The following KDM6B variants were observed in gnomAD, a reference collection of about 807,000 sequenced individuals.
KDM6B encodes the protein lysine demethylase 6B, also known as lysine-specific demethylase 6B.
In KDM6B, 22 loss-of-function variants were observed where a neutral mutation model predicts 150.4. The observed-to-expected ratio is 0.15, with a 90% CI of 0.10 to 0.21. The LOEUF is 0.21. Among genes scored for constraint, KDM6B ranks in the 10% least tolerant of loss-of-function variants. The pLI is 1.00. For missense variants in KDM6B, 1,984 were observed against 2,234.3 expected, an observed-to-expected ratio of 0.89 and a Z score of 2.26; for synonymous variants, 1,148 against 921.1, an observed-to-expected ratio of 1.25 and a Z score of -4.46.
At position 7,849,966 on chromosome 17, in the gene KDM6B, C is replaced by T. The variant is rs776940813; in HGVS notation, c.3567+19C>T. On this transcript the variant is annotated intron_variant, in intron 13 of 23. Coordinates refer to ENST00000448097, the MANE Select transcript of KDM6B (RefSeq NM_001348716.2). Reference sequence around the variant, plus strand: ...CATCTATGTATGTGTGCCACTTGGCCTCAGAACCACCCCTGCCAGAGGGTT... The same window carrying T: ...CATCTATGTATGTGTGCCACTTGGCTTCAGAACCACCCCTGCCAGAGGGTT... The T allele has an allele frequency of 6.2e-6, 10 of 1,613,478 alleles. No individual in the cohort carries two copies. Among genetic ancestry groups the T allele is most frequent in the Non-Finnish European group, 7.6e-6 (9 of 1,180,038 alleles).
chr17:7,851,813 TGC>T lies in KDM6B; in HGVS notation c.4165+22_4165+23del, dbSNP rs1333129175. 1 of 1,556,328 alleles carries T rather than the reference TGC, an allele frequency of 6.4e-7. No individual in the cohort carries two copies. The highest frequency in any genetic ancestry group is 8.7e-7 in the Non-Finnish European group (1 of 1,150,230). ...GAACGCCAGGTGCGCTCCACGCCTGTGCGCGCTGATGCTGGAAGCGCGAGAGG... is the reference window on the plus strand; with the variant it reads ...GAACGCCAGGTGCGCTCCACGCCTGTGCGCTGATGCTGGAAGCGCGAGAGG... On this transcript the variant is annotated intron_variant, in intron 18 of 23. Coordinates refer to ENST00000448097, the MANE Select transcript of KDM6B (RefSeq NM_001348716.2).
In KDM6B at chr17:7,846,131, T is replaced by C; in HGVS notation, c.290T>C (p.Val97Ala). 1 of 1,611,972 alleles carries C rather than the reference T, an allele frequency of 6.2e-7. No individual in the cohort carries two copies. The highest frequency in any genetic ancestry group is 8.5e-7 in the Non-Finnish European group (1 of 1,179,498). ...HGKLESLHGCVQALLREPAQP... is the reference protein window; with the variant it reads ...HGKLESLHGCAQALLREPAQP... ...AAGCTGGAATCCCTGCATGGCTGTG[T>C]GCAGGCATTGCTCCGGGAGCCAGCC... Residue 97 changes from valine to alanine, a missense_variant, in exon 7 of 24, where the codon GTG becomes GCG. Around this residue, in one of 13 missense-constraint regions of KDM6B, gnomAD observed 337 missense variants for 323.9 expected, o/e 1.04. Transcript: ENST00000448097.
Position 7,848,225 on chromosome 17 carries a change from C to T in KDM6B, c.1937C>T (p.Pro646Leu). The change falls in exon 12 of 24, where the codon CCA becomes CTA. Residue 646 changes from proline (P) to leucine (L), a missense_variant. This residue lies in a region of KDM6B where 1,379 missense variants were observed against 1,275.6 expected (regional missense o/e 1.08). Transcript: ENST00000448097. ...KTPEVGPGPP[P>L]GPLSKAPQPV... ...CCCGAGGTGGGGCCGGGGCCACCCC[C>T]AGGCCCCCTGAGTAAAGCCCCCCAG... The T allele has an allele frequency of 6.2e-7, 1 of 1,610,002 alleles. No individual in the cohort carries two copies. The highest frequency in any genetic ancestry group is 8.5e-7 in the Non-Finnish European group (1 of 1,177,588).
Position 7,848,867 on chromosome 17 carries a change from C to T in KDM6B, c.2579C>T (p.Ser860Phe). The change falls in exon 12 of 24, where the codon TCC (serine) becomes TTC (phenylalanine). Residue 860 changes from serine to phenylalanine, a missense_variant. By Grantham distance (155) the Ser-to-Phe change is radical. Transcript: ENST00000448097. ...TCAGCGGCCCCTAGCGCCCAGGGCT[C>T]CCCACAGCCCTCTGCTTCCTCGTCA... Reference protein sequence around the residue: ...PTSAAPSAQGSPQPSASSSSQ... With the variant: ...PTSAAPSAQGFPQPSASSSSQ... 6.2e-7 allele frequency: 1 copy of T among 1,609,990 alleles called. No homozygotes were observed. Among genetic ancestry groups the T allele is most frequent in the Non-Finnish European group, 8.5e-7 (1 of 1,178,068 alleles).
chr17:7,852,546 A>G lies in KDM6B; in HGVS notation c.4520A>G (p.Asn1507Ser). The G allele has an allele frequency of 6.2e-7, 1 of 1,614,156 alleles. No homozygotes were observed. The highest frequency in any genetic ancestry group is 2.2e-5 in the East Asian group (1 of 44,876). Reference protein sequence around the residue: ...LERYEWNEVKNVKSIVPMIHV... With the variant: ...LERYEWNEVKSVKSIVPMIHV... ...CGATACGAGTGGAATGAGGTGAAGAACGTCAAATCCATCGTGCCCATGATT... is the reference window on the plus strand; with the variant it reads ...CGATACGAGTGGAATGAGGTGAAGAGCGTCAAATCCATCGTGCCCATGATT... Residue 1507 changes from asparagine (N) to serine (S), a missense_variant, in exon 21 of 24, where the codon AAC becomes AGC. Coordinates refer to ENST00000448097, the MANE Select transcript of KDM6B (RefSeq NM_001348716.2).
Position 7,849,337 on chromosome 17 carries a change from G to C in KDM6B, c.3049G>C (p.Val1017Leu). 2 of 1,582,932 alleles carry C rather than the reference G, an allele frequency of 1.3e-6. No individual in the cohort carries two copies. The highest frequency in any genetic ancestry group is 1.7e-6 in the Non-Finnish European group (2 of 1,165,134). Residue 1017 changes from valine (V) to leucine (L), a missense_variant, in exon 12 of 24, where the codon GTG becomes CTG. Val to Leu is a conservative substitution (Grantham distance 32). Transcript: ENST00000448097. Reference sequence around the variant, plus strand: ...GGTCCCCAAAGAAAAGAGCCGCCGGGTGCTGGGGAACCTGGACCTGCAGAG... The same window carrying C: ...GGTCCCCAAAGAAAAGAGCCGCCGGCTGCTGGGGAACCTGGACCTGCAGAG... ...AKVPKEKSRR[V>L]LGNLDLQSEE...
At chr17:7,842,878 G>C (rs922564788) in intron 2 of KDM6B, among the ~76,000 whole-genome samples, 1 of 152,082 alleles carries the variant, frequency 6.6e-6, no homozygotes, top group Admixed American at 6.5e-5. Context: ...GGGCGGGGGG[G>C]CGAGTGAGGA....
intron 5 of KDM6B, 21 bp from the exon 6 acceptor site, chr17:7,845,851 A>G (rs775557113): frequency 6.2e-7 from 1 of 1,609,326 alleles, no homozygotes; most frequent in South Asian, 1.1e-5. Context: ...GCCGTATATA[A>G]CAGACTCCTT....
In KDM6B at chr17:7,848,467, G is replaced by A. The variant is rs367910363; in HGVS notation, c.2179G>A (p.Glu727Lys). 1.9e-6 allele frequency: 3 copies of A among 1,611,680 alleles called. No homozygotes were observed. The change falls in exon 12 of 24, where the codon GAG becomes AAG. Residue 727 changes from glutamate to lysine, a missense_variant. By Grantham distance (56) the Glu-to-Lys change is moderately conservative (BLOSUM62 1). Transcript: ENST00000448097. ...AGVAPQPPLK[E>K]PFASLQSPFP... ...CGTGGCCCCCCAACCCCCGCTGAAG[G>A]AGCCCTTTGCATCTCTGCAGTCTCC...
Position 7,853,307 on chromosome 17 carries a change from G to A in KDM6B, c.4835G>A (p.Gly1612Asp). The stretch of plus-strand genomic sequence containing the variant: ...GGCTGTGCCCGGCGCCGCAGCGCAG[G>A]CCTGCAGGGCGTGGTGGTGCTGGAG... ...CEGCARRRSA[G>D]LQGVVVLEQY... The change falls in exon 23 of 24, where the codon GGC becomes GAC. Residue 1612 changes from glycine (G) to aspartate (D), a missense_variant. By Grantham distance (94) the Gly-to-Asp change is moderately conservative (BLOSUM62 -1). Coordinates refer to ENST00000448097, the MANE Select transcript of KDM6B (RefSeq NM_001348716.2). 6.3e-7 allele frequency: 1 copy of A among 1,597,754 alleles called. No homozygotes were observed. The highest frequency in any genetic ancestry group is 1.7e-5 in the Admixed American group (1 of 57,372).
In KDM6B at chr17:7,847,993, G is replaced by C. The variant is rs925720057; in HGVS notation, c.1705G>C (p.Val569Leu). ...CCACAGCAGCAGCCCTGCTGGGCCT[G>C]TGTCCTTTCCCCCACCACCCTATCT... is the stretch of plus-strand genomic sequence containing the variant. ...GSHSSSPAGP[V>L]SFPPPPYLAR... Residue 569 changes from valine to leucine, a missense_variant, in exon 12 of 24, where the codon GTG becomes CTG. Coordinates refer to ENST00000448097, the MANE Select transcript of KDM6B (RefSeq NM_001348716.2). 1 of 1,611,972 alleles carries C rather than the reference G, an allele frequency of 6.2e-7. No homozygotes were observed.
In KDM6B at chr17:7,843,470, A is replaced by G. The variant is rs2078459511; in HGVS notation, c.-268-1431A>G. On this transcript the variant is annotated intron_variant, in intron 2 of 23. Transcript: ENST00000448097. This position sits in a 1 kb window ranked among gnomAD's most constrained non-coding sequence, Gnocchi z 4.5. The stretch of plus-strand genomic sequence containing the variant: ...CGGAGAGTGGCACGCAGGGACCTGT[A>G]GGGTCCAAGCGCTTCCATGCAAACA... Among the ~76,000 whole-genome samples, 1 of 152,228 alleles carries G rather than the reference A, an allele frequency of 6.6e-6. No homozygotes were observed. The highest frequency in any genetic ancestry group is 2.4e-5 in the African/African-American group (1 of 41,466).
chr17:7,849,264 C>T lies in KDM6B; in HGVS notation c.2976C>T (p.Asp992=), dbSNP rs2078639834. ...GGCGGCACAGGCGGGCCTGTAAGGACAGTGTGGGTCGTCGGCCCCGTGAGG... is the reference window on the plus strand; with the variant it reads ...GGCGGCACAGGCGGGCCTGTAAGGATAGTGTGGGTCGTCGGCCCCGTGAGG... The part of the protein sequence containing the change: ...EHRRHRRACK[D]SVGRRPREGR... The change falls in exon 12 of 24, where the codon GAC becomes GAT. Residue 992 remains aspartate (D), a synonymous_variant. Transcript: ENST00000448097. 1.3e-6 allele frequency: 2 copies of T among 1,557,630 alleles called. No individual in the cohort carries two copies. Among genetic ancestry groups the T allele is most frequent in the Non-Finnish European group, 1.7e-6 (2 of 1,150,366 alleles).
In KDM6B at chr17:7,853,990, C is replaced by G. The variant is rs1227122703; in HGVS notation, c.*469C>G. ...CCCCCGGAACCTCCTTTTTTACTTC[C>G]AATGCTAGCTGTGACCCCTGTACAT... On this transcript the variant is annotated 3_prime_UTR_variant, in exon 24 of 24. Transcript: ENST00000448097. The G allele has an allele frequency of 6.4e-6, 1 of 155,154 alleles. No individual in the cohort carries two copies. Among genetic ancestry groups the G allele is most frequent in the Non-Finnish European group, 1.4e-5 (1 of 69,812 alleles). The allele number at this position is 155,154 out of a possible 1,614,324, so 9.6% of individuals were successfully genotyped here. A position where few individuals can be genotyped will look rare whatever the true frequency, so the allele number is the denominator to read the frequency against.
In KDM6B at chr17:7,849,209, G is replaced by A. The variant is rs759948935; in HGVS notation, c.2921G>A (p.Arg974Gln). 21 of 1,595,804 alleles carry A rather than the reference G, an allele frequency of 1.3e-5. No individual in the cohort carries two copies. Among genetic ancestry groups the A allele is most frequent in the African/African-American group, 5.4e-5 (4 of 74,422 alleles). The change falls in exon 12 of 24, where the codon CGG (arginine) becomes CAG (glutamine). Residue 974 changes from arginine to glutamine, a missense_variant. Transcript: ENST00000448097. The part of the protein sequence containing the change: ...GVAAVSGSCK[R>Q]RQKEHQKEHR... ...GCGGCAGTGTCAGGCAGCTGTAAGC[G>A]GCGACAGAAGGAGCATCAGAAGGAG... is the stretch of plus-strand genomic sequence containing the variant.
intron 21 of KDM6B, 66 bp downstream of exon 21, chr17:7,852,702 T>C: frequency 6.2e-7 from 1 of 1,600,004 alleles, no homozygotes; most frequent in Non-Finnish European, 8.5e-7. Flanking sequence ...TCTTCCTGTC[T>C]GACTCCACCC....
chr17:7,847,882 C>G lies in KDM6B; in HGVS notation c.1594C>G (p.Arg532Gly). The G allele has an allele frequency of 6.2e-7, 1 of 1,609,220 alleles. No individual in the cohort carries two copies. Among genetic ancestry groups the G allele is most frequent in the Non-Finnish European group, 8.5e-7 (1 of 1,178,412 alleles). ...REGFLGPPAS[R>G]FSVGTQDSHT... Reference sequence around the variant, plus strand: ...GGGCTTCTTGGGGCCTCCGGCCTCCCGCTTTTCTGTGGGCACTCAGGATTC... The same window carrying G: ...GGGCTTCTTGGGGCCTCCGGCCTCCGGCTTTTCTGTGGGCACTCAGGATTC... Residue 532 changes from arginine (R) to glycine (G), a missense_variant, in exon 12 of 24, where the codon CGC becomes GGC. This residue lies in a region of KDM6B where 1,379 missense variants were observed against 1,275.6 expected (regional missense o/e 1.08). Coordinates refer to ENST00000448097, the MANE Select transcript of KDM6B (RefSeq NM_001348716.2).
rs1435387502 is a variant in KDM6B at position 7,853,084 on chromosome 17, C to T, written c.4695C>T (p.Gly1565=). Residue 1565 remains glycine, a synonymous_variant, in exon 22 of 24, where the codon GGC becomes GGT. Transcript: ENST00000448097. Reference sequence around the variant, plus strand: ...CAGGGAAGAAAATCGCTTACCAGGGCCGTGTCAAGGACGAGCCAGCCTACT... The same window carrying T: ...CAGGGAAGAAAATCGCTTACCAGGGTCGTGTCAAGGACGAGCCAGCCTACT... The part of the protein sequence containing the change: ...VRAGKKIAYQ[G]RVKDEPAYYC... 1.2e-6 allele frequency: 2 copies of T among 1,614,154 alleles called. No homozygotes were observed. The highest frequency in any genetic ancestry group is 1.7e-6 in the Non-Finnish European group (2 of 1,180,028).
intron 2 of KDM6B, chr17:7,840,572 C>T (rs1164995240): frequency 6.6e-6 from 1 of 152,288 alleles, no homozygotes; most frequent in Non-Finnish European, 1.5e-5. Flanking sequence ...TCTTACTCTT[C>T]TGCTTCCCTC....
Sources: gnomAD v4.1 joint callset for allele counts (sites outside exome capture counted in the v4.1 genomes callset) on GRCh38, gnomAD v4.1.1 for gene constraint, gnomAD v4.1.1 regional missense constraint, Gnocchi (gnomAD v3.1) non-coding constraint, MANE v1.5 for transcripts, NCBI Gene and HGNC (gene_info 2026-07-23, HGNC 2026-07-21) for gene names.